The following NBPF4 variants were observed in gnomAD, a reference collection of about 807,000 sequenced individuals.
NBPF4 encodes NBPF member 4.
A neutral mutation model predicts 21.1 loss-of-function variants in NBPF4; 11 were observed. That is an observed-to-expected ratio of 0.52 (90% CI 0.33 to 0.86). The LOEUF is 0.86. NBPF4 is among the 40% of genes least tolerant of loss of function. The probability of loss-of-function intolerance (pLI) is 0.03; values close to 1 mark genes in which losing one functional copy is unlikely to be tolerated. For synonymous variants in NBPF4, 47 were observed against 106.4 expected (o/e 0.44, Z 3.43); for missense variants, 88 against 265.3 (o/e 0.33, Z 4.64).
upstream of NBPF4, among the ~76,000 whole-genome samples, chr1:108,244,901 GATATATATATATATATATATATATAT>G (rs1173565670): frequency 4.0e-3 from 50 of 12,446 alleles, 8 homozygotes; most frequent in Non-Finnish European, 6.6e-3. Flanking sequence ...TATTGTTGGA[GATATATATATATATATATATATATAT>G]ATATATATAT....
At chr1:108,244,945 TATAC>T (rs1367361031), upstream of NBPF4, among the ~76,000 whole-genome samples, 2 of 37,986 alleles carry the variant, frequency 5.3e-5, no homozygotes, top group Non-Finnish European at 1.0e-4. Context: ...TATATATATA[TATAC>T]ACACACATAT....
Position 108,223,617 on chromosome 1 carries a change from C to A in NBPF4, c.*88G>T, listed in dbSNP as rs989365999. ...CTGAAATTCAATCCTCAGTGAAGGA[C>A]CCCTGCAGTATTGTGTTTGGACTTA... On this transcript the variant is annotated 3_prime_UTR_variant, in exon 15 of 15. Coordinates refer to ENST00000415641, the MANE Select transcript of NBPF4 (RefSeq NM_001143989.3). The A allele has an allele frequency of 2.6e-5, 29 of 1,135,476 alleles. No homozygotes were observed. The African/African-American group carries it at 4.2e-4, about 16-fold the overall frequency. 70.3% of individuals were successfully genotyped at this position (1,135,476 alleles called of 1,614,324 possible). A position where few individuals can be genotyped will look rare whatever the true frequency, so the allele number is the denominator to read the frequency against.
At chr1:108,241,429 G>A (rs1649711581) in intron 3 of NBPF4, among the ~76,000 whole-genome samples, 2 of 146,480 alleles carry the variant, frequency 1.4e-5, no homozygotes, top group Non-Finnish European at 3.0e-5. Context: ...TCTGATATAT[G>A]AGAGACTGCT....
Position 108,223,624 on chromosome 1 carries a change from A to T in NBPF4, c.*81T>A, listed in dbSNP as rs1649381943. Reference sequence around the variant, plus strand: ...TCAATCCTCAGTGAAGGACCCCTGCAGTATTGTGTTTGGACTTAAACTTGC... The same window carrying T: ...TCAATCCTCAGTGAAGGACCCCTGCTGTATTGTGTTTGGACTTAAACTTGC... On this transcript the variant is annotated 3_prime_UTR_variant, in exon 15 of 15. Coordinates refer to ENST00000415641, the MANE Select transcript of NBPF4 (RefSeq NM_001143989.3). The T allele has an allele frequency of 1.7e-6, 2 of 1,203,078 alleles. No homozygotes were observed. Among genetic ancestry groups the T allele is most frequent in the Non-Finnish European group, 2.4e-6 (2 of 826,742 alleles). The allele number at this position is 1,203,078 out of a possible 1,614,324, so 74.5% of individuals were successfully genotyped here.
rs992700747 is a variant in NBPF4 at position 108,229,077 on chromosome 1, C to T, written c.1503G>A (p.Gln501=). The change falls in exon 13 of 15, where the codon CAG becomes CAA. Residue 501 remains glutamine (Q), a synonymous_variant. Transcript: ENST00000415641. ...SHHQSEVQVS[Q]AQLEPSTLVP... ...CCAGGGTGCTTGGTTCCAGCTGTGC[C>T]TGTGAAACTTGCACCTCTGACTGGT... 15 of 1,550,990 alleles carry T rather than the reference C, an allele frequency of 9.7e-6. No individual in the cohort carries two copies. The Admixed American group carries it at 1.4e-4, about 14-fold the overall frequency.
the NBPF4 span, among the ~76,000 whole-genome samples, chr1:108,252,811 T>G: frequency 1.6e-3 from 115 of 71,464 alleles, 1 homozygote; most frequent in African/African-American, 7.3e-3. Context: ...CTTCTTTTTC[T>G]AGTTCCCCTT....
At chr1:108,241,319 A>AG (rs1283534747) in intron 3 of NBPF4, among the ~76,000 whole-genome samples, 155 bp from the exon 4 acceptor site, 1 of 100,410 alleles carries the variant, frequency 1.0e-5, no homozygotes, top group Non-Finnish European at 2.1e-5. Context: ...AAGAGAAAGA[A>AG]GAATATATAT....
At chr1:108,259,987 T>G in the NBPF4 span, among the ~76,000 whole-genome samples, 1 of 131,060 alleles carries the variant, frequency 7.6e-6, no homozygotes, top group South Asian at 2.6e-4. Flanking sequence ...GAAAAGTCAT[T>G]GTAGGCCCAA....
intron 12 of NBPF4, among the ~76,000 whole-genome samples, chr1:108,229,774 AG>A (rs1649615523): frequency 1.5e-5 from 1 of 65,050 alleles, no homozygotes; most frequent in Non-Finnish European, 3.2e-5. Context: ...CTGCAAATTC[AG>A]GGGCCACAAG....
At chr1:108,250,581 GT>G in the NBPF4 span, among the ~76,000 whole-genome samples, 1 of 151,586 alleles carries the variant, frequency 6.6e-6, no homozygotes, top group Non-Finnish European at 1.5e-5. Context: ...CTTTTTCTGT[GT>G]ATGTCAGGGT....
upstream of NBPF4, among the ~76,000 whole-genome samples, chr1:108,247,993 A>AT (rs1217628578): frequency 2.0e-5 from 3 of 151,262 alleles, no homozygotes; most frequent in Non-Finnish European, 4.4e-5. Context: ...TTTTTTTTTA[A>AT]TTTTTTGTAG....
At chr1:108,256,630 C>T in the NBPF4 span, among the ~76,000 whole-genome samples, 42 of 107,920 alleles carry the variant, frequency 3.9e-4, no homozygotes, top group Non-Finnish European at 7.1e-4. Flanking sequence ...TCCTTCCTTT[C>T]CTTCCTTCCC....
Position 108,229,080 on chromosome 1 carries a change from T to C in NBPF4, c.1500A>G (p.Ser500=), listed in dbSNP as rs1235822177. 1 of 1,551,116 alleles carries C rather than the reference T, an allele frequency of 6.4e-7. No homozygotes were observed. The change falls in exon 13 of 15, where the codon TCA becomes TCG. Residue 500 remains serine (S), a synonymous_variant. Coordinates refer to ENST00000415641, the MANE Select transcript of NBPF4 (RefSeq NM_001143989.3). ...LSHHQSEVQV[S]QAQLEPSTLV... is the part of the protein sequence containing the mutation. ...GGGTGCTTGGTTCCAGCTGTGCCTGTGAAACTTGCACCTCTGACTGGTGGT... is the reference window on the plus strand; with the variant it reads ...GGGTGCTTGGTTCCAGCTGTGCCTGCGAAACTTGCACCTCTGACTGGTGGT...
upstream of NBPF4, among the ~76,000 whole-genome samples, chr1:108,246,410 T>G (rs1649848465): frequency 1.7e-5 from 2 of 120,260 alleles, 1 homozygote; most frequent in South Asian, 7.1e-4. Context: ...TGCCCTGGAC[T>G]TGATATTTTT....
rs530661265 is a variant in NBPF4 at position 108,222,886 on chromosome 1, A to G, written c.*819T>C. On this transcript the variant is annotated 3_prime_UTR_variant, in exon 15 of 15. Coordinates refer to ENST00000415641, the MANE Select transcript of NBPF4 (RefSeq NM_001143989.3). ...GAGCTCCTAGACCCCTCCTTAACCA[A>G]GTGACCATCCTAGTATCACCGCACT... 3.4e-4 allele frequency among the ~76,000 whole-genome samples: 52 copies of G among 152,274 alleles called. No homozygotes were observed. The highest frequency in any genetic ancestry group is 1.2e-3 in the African/African-American group (51 of 41,566).
At chr1:108,246,204 T>C (rs4044972), upstream of NBPF4, among the ~76,000 whole-genome samples, 7,135 of 100,474 alleles carry the variant, frequency 0.071, 542 homozygotes, top group East Asian at 0.17. Flanking sequence ...CTGAGAGGCA[T>C]GCTTTCCACT....
rs952526698 is a variant in NBPF4, at chr1:108,222,802, T to A, written c.*903A>T. ...GAAGATCACTAGAATACAGGATATT[T>A]ATACTATTTCAAACCACTTTCCAAA... On this transcript the variant is annotated 3_prime_UTR_variant, in exon 15 of 15. Transcript: ENST00000415641. Among the ~76,000 whole-genome samples the A allele has an allele frequency of 6.6e-6, 1 of 152,198 alleles. No individual in the cohort carries two copies. Among genetic ancestry groups the A allele is most frequent in the Non-Finnish European group, 1.5e-5 (1 of 68,026 alleles).
chr1:108,223,837 T>C (rs546488660), intron 14 of NBPF4, 91 bp from the exon 15 acceptor site: 5 of 1,239,722 alleles, frequency 4.0e-6, no homozygotes, highest in Admixed American at 2.2e-5. Flanking sequence ...AGCAGTGATA[T>C]CTCACTGGGA....
rs926500020 is a variant in NBPF4, at chr1:108,223,085, A to C, written c.*620T>G. On this transcript the variant is annotated 3_prime_UTR_variant, in exon 15 of 15. Coordinates refer to ENST00000415641, the MANE Select transcript of NBPF4 (RefSeq NM_001143989.3). ...GCCAGACAGCTGACCTGTCCTCCAC[A>C]AACAAGTCCATGTCACCACCATCAA... Among the ~76,000 whole-genome samples the C allele has an allele frequency of 4.6e-5, 7 of 152,188 alleles. No homozygotes were observed. The highest frequency in any genetic ancestry group is 1.7e-4 in the African/African-American group (7 of 41,452).
Sources: allele counts gnomAD v4.1 joint callset (sites outside exome capture counted in the v4.1 genomes callset), GRCh38; gene constraint gnomAD v4.1.1; transcripts MANE v1.5; gene names NCBI Gene and HGNC (gene_info 2026-07-23, HGNC 2026-07-21).